Variants in ICA1 observed in about 807,000 individuals in gnomAD.
The protein encoded by ICA1 is 69 kDa islet cell autoantigen.
ICA1 carries 40 observed loss-of-function variants against 71.0 expected under a neutral mutation model. The ratio of observed to expected loss-of-function variants is 0.56; its 90% CI spans 0.44 to 0.73. ICA1 has a LOEUF of 0.73. Ranked by LOEUF, ICA1 falls within the 30% of genes least tolerant of loss-of-function variation. The probability of loss-of-function intolerance (pLI) is 0.00; values close to 1 mark genes in which losing one functional copy is unlikely to be tolerated. For synonymous variants in ICA1, 207 were observed against 209.5 expected (o/e 0.99, Z 0.10); for missense variants, 578 against 576.5 (o/e 1.00, Z -0.03).
intron 6 of ICA1, among the ~76,000 whole-genome samples, chr7:8,164,757 A>C (rs1033112335): frequency 3.3e-5 from 5 of 152,202 alleles, no homozygotes; most frequent in African/African-American, 1.2e-4. Context: ...AGAAAGTCTA[A>C]GCCAGCCCAT....
intron 10 of ICA1, among the ~76,000 whole-genome samples, chr7:8,139,576 T>C (rs1222081843): frequency 6.6e-6 from 1 of 152,334 alleles, no homozygotes; most frequent in Non-Finnish European, 1.5e-5. Flanking sequence ...AACTGTTTTG[T>C]AAGGTCCTAT....
chr7:8,239,924 G>C (rs1353423034), intron 1 of ICA1, among the ~76,000 whole-genome samples: 1 of 152,238 alleles, frequency 6.6e-6, no homozygotes, highest in Non-Finnish European at 1.5e-5. Flanking sequence ...ACCCACTGCA[G>C]CTCAGCAAGG....
At chr7:8,137,352 C>T (rs147282614) in intron 12 of ICA1, among the ~76,000 whole-genome samples, 2,014 of 152,258 alleles carry the variant, frequency 0.013, 21 homozygotes, top group Non-Finnish European at 0.023. Context: ...GGAATAACAG[C>T]CTTCCTATCA....
chr7:8,139,040 A>G lies in ICA1; in HGVS notation c.963T>C (p.Asp321=). The G allele has an allele frequency of 1.2e-6, 2 of 1,612,906 alleles. No individual in the cohort carries two copies. The highest frequency in any genetic ancestry group is 1.7e-6 in the Non-Finnish European group (2 of 1,178,978). ...CTAAGGCAGATAAAATACTTTTTCCATCTTCAGCTGTAATATAACATGTGC... is the reference window on the plus strand; with the variant it reads ...CTAAGGCAGATAAAATACTTTTTCCGTCTTCAGCTGTAATATAACATGTGC... ...RKESSSFKTE[D]GKSILSALDK... The change falls in exon 11 of 14, where the codon GAT becomes GAC. Residue 321 remains aspartate, a synonymous_variant. Transcript: ENST00000402384.
At chr7:8,200,243 C>T (rs1789101607) in intron 6 of ICA1, among the ~76,000 whole-genome samples, 1 of 132,888 alleles carries the variant, frequency 7.5e-6, no homozygotes, top group African/African-American at 2.8e-5. Context: ...ATCAACTGAA[C>T]ATTTATTCAG....
chr7:8,224,386 G>T (rs1020356048), intron 4 of ICA1, among the ~76,000 whole-genome samples: 1 of 152,146 alleles, frequency 6.6e-6, no homozygotes. Context: ...GTATAAGAAT[G>T]GGAGTCGGAT....
At chr7:8,169,345 A>G (rs1807405983) in intron 6 of ICA1, among the ~76,000 whole-genome samples, 1 of 152,140 alleles carries the variant, frequency 6.6e-6, no homozygotes, top group Admixed American at 6.6e-5. Context: ...GTCTTTGTGT[A>G]AACACATTTT....
intron 13 of ICA1, among the ~76,000 whole-genome samples, chr7:8,117,962 T>G (rs1785313592): frequency 6.6e-6 from 1 of 152,242 alleles, no homozygotes; most frequent in Non-Finnish European, 1.5e-5. Flanking sequence ...CCTGAGCCCC[T>G]GGAAGCCAGG....
intron 1 of ICA1, among the ~76,000 whole-genome samples, chr7:8,244,739 G>T (rs975884012): frequency 6.6e-6 from 1 of 152,134 alleles, no homozygotes; most frequent in Admixed American, 6.5e-5. Flanking sequence ...CCATCAAAAA[G>T]TGGGCAAAGG....
chr7:8,185,374 ACATC>A (rs1032384101), intron 6 of ICA1, among the ~76,000 whole-genome samples: 5 of 152,246 alleles, frequency 3.3e-5, no homozygotes, highest in South Asian at 2.1e-4. Flanking sequence ...CTGGCCATCC[ACATC>A]CATCCATCCA....
At chr7:8,247,028 G>T (rs1476658437) in intron 1 of ICA1, among the ~76,000 whole-genome samples, 3 of 152,150 alleles carry the variant, frequency 2.0e-5, no homozygotes, top group Non-Finnish European at 4.4e-5. Flanking sequence ...TTACAGGCGT[G>T]AACCACCATG....
At chr7:8,232,187 T>C (rs943789571) in intron 3 of ICA1, among the ~76,000 whole-genome samples, 5 of 152,226 alleles carry the variant, frequency 3.3e-5, no homozygotes, top group Admixed American at 2.0e-4. Context: ...CAGGGTCCAA[T>C]ACAAAACTTA....
intron 4 of ICA1, among the ~76,000 whole-genome samples, chr7:8,227,357 A>G (rs918517290): frequency 5.3e-5 from 8 of 152,280 alleles, no homozygotes; most frequent in Non-Finnish European, 1.2e-4. Context: ...AGTGGCAGAG[A>G]AGATGGAGAG....
At chr7:8,217,826 T>C (rs1795868362) in intron 6 of ICA1, among the ~76,000 whole-genome samples, 2 of 152,206 alleles carry the variant, frequency 1.3e-5, no homozygotes, top group Non-Finnish European at 2.9e-5. Context: ...CTCAGAAAAA[T>C]TTCTGAGGAA....
At chr7:8,201,626 T>C (rs764329141) in intron 6 of ICA1, among the ~76,000 whole-genome samples, 44 of 152,302 alleles carry the variant, frequency 2.9e-4, no homozygotes, top group Non-Finnish European at 5.4e-4. Flanking sequence ...AGCAGTGCAG[T>C]TGATGAAAAA....
chr7:8,259,090 G>T (rs1447250981), intron 1 of ICA1, among the ~76,000 whole-genome samples: 1 of 152,174 alleles, frequency 6.6e-6, no homozygotes, highest in Non-Finnish European at 1.5e-5. Flanking sequence ...GCTTGACCGG[G>T]AATCCACACT....
chr7:8,179,307 G>A (rs1781501772), intron 6 of ICA1, among the ~76,000 whole-genome samples: 1 of 152,164 alleles, frequency 6.6e-6, no homozygotes, highest in South Asian at 2.1e-4. Flanking sequence ...CCAGTGTGGG[G>A]AAGGCTTTAA....
chr7:8,209,747 C>T (rs1190806462), intron 6 of ICA1, among the ~76,000 whole-genome samples: 1 of 8,254 alleles, frequency 1.2e-4, no homozygotes, highest in African/African-American at 9.4e-4. Flanking sequence ...CAAAGGCTCC[C>T]TGAGGGTCAC....
chr7:8,148,032 G>A (rs1035912280), intron 8 of ICA1, among the ~76,000 whole-genome samples: 3 of 152,050 alleles, frequency 2.0e-5, no homozygotes, highest in African/African-American at 7.2e-5. Flanking sequence ...GTGTCGGTGC[G>A]ACCTGCTACG....
Sources: allele counts gnomAD v4.1 joint callset (sites outside exome capture counted in the v4.1 genomes callset), GRCh38; gene constraint gnomAD v4.1.1; transcripts MANE v1.5; gene names NCBI Gene and HGNC (gene_info 2026-07-23, HGNC 2026-07-21).